SGCD: variants seen among roughly 807,000 people sequenced by gnomAD.
SGCD encodes the protein delta-sarcoglycan.
SGCD carries 18 observed loss-of-function variants against 36.6 expected under a neutral mutation model. That is an observed-to-expected ratio of 0.49 (90% CI 0.34 to 0.73). The LOEUF is 0.73. Among genes scored for constraint, SGCD ranks in the 30% least tolerant of loss-of-function variants. The pLI is 0.01. For missense variants in SGCD, 387 were observed against 346.7 expected (o/e 1.12, Z -0.92); for synonymous variants, 133 against 130.6 (o/e 1.02, Z -0.12).
chr5:155,859,204 C>A, the SGCD span, among the ~76,000 whole-genome samples: 1 of 151,816 alleles, frequency 6.6e-6, no homozygotes, highest in East Asian at 1.9e-4. Flanking sequence ...CAGGCATGTG[C>A]CACCATGCCT....
At chr5:156,070,107 T>C (rs1208026889) in intron 1 of SGCD, among the ~76,000 whole-genome samples, 2 of 149,504 alleles carry the variant, frequency 1.3e-5, no homozygotes, top group Non-Finnish European at 2.9e-5. Flanking sequence ...CTTTTCCTAA[T>C]TGGATACCCT....
At chr5:156,536,030 C>A (rs1431259303) in intron 4 of SGCD, among the ~76,000 whole-genome samples, 1 of 151,994 alleles carries the variant, frequency 6.6e-6, no homozygotes, top group East Asian at 1.9e-4. Context: ...ATCATTGGTT[C>A]TTTCTGTTAA....
At chr5:156,360,539 T>G (rs1212584290) in intron 3 of SGCD, among the ~76,000 whole-genome samples, 2 of 152,140 alleles carry the variant, frequency 1.3e-5, no homozygotes, top group African/African-American at 2.4e-5. Flanking sequence ...TAATTGGTTT[T>G]TTTACACTGT....
intron 3 of SGCD, among the ~76,000 whole-genome samples, chr5:156,132,793 C>G (rs183443257): frequency 7.9e-5 from 12 of 152,244 alleles, no homozygotes; most frequent in African/African-American, 2.6e-4. Context: ...GATGGTCCTT[C>G]TCTTACAACT....
chr5:155,937,852 C>T (rs755442614), intron 1 of SGCD, among the ~76,000 whole-genome samples: 19 of 152,158 alleles, frequency 1.2e-4, no homozygotes, highest in Non-Finnish European at 2.2e-4. Context: ...GGAGGATTCC[C>T]TGAGGAAGTA....
chr5:155,782,580 G>A, the SGCD span, among the ~76,000 whole-genome samples: 2 of 152,116 alleles, frequency 1.3e-5, no homozygotes, highest in Non-Finnish European at 2.9e-5. Flanking sequence ...ATACTGAAAA[G>A]GAGTTTTTTC....
intron 3 of SGCD, among the ~76,000 whole-genome samples, chr5:156,387,453 G>A (rs1771333361): frequency 1.3e-5 from 2 of 152,170 alleles, no homozygotes; most frequent in South Asian, 4.1e-4. Context: ...ATACAAATAT[G>A]TCATTTCCTT....
At chr5:156,736,131 A>G (rs1454223352) in intron 7 of SGCD, among the ~76,000 whole-genome samples, 5 of 151,986 alleles carry the variant, frequency 3.3e-5, no homozygotes, top group African/African-American at 4.8e-5. Flanking sequence ...TGTTTCCTTG[A>G]TTAGTCCCAG....
chr5:156,566,764 A>G (rs531798043), intron 4 of SGCD, among the ~76,000 whole-genome samples: 47 of 152,356 alleles, frequency 3.1e-4, no homozygotes, highest in Non-Finnish European at 1.2e-4. Flanking sequence ...TTTGATAAAA[A>G]TGTAAATGTG....
chr5:156,321,814 G>C (rs1055253686), upstream of SGCD, among the ~76,000 whole-genome samples: 3 of 152,176 alleles, frequency 2.0e-5, no homozygotes, highest in African/African-American at 7.2e-5. Context: ...GGGAGATAGA[G>C]TCTTGATTAC....
intron 1 of SGCD, among the ~76,000 whole-genome samples, chr5:155,951,391 C>A (rs1292678968): frequency 1.3e-5 from 2 of 151,972 alleles, no homozygotes; most frequent in Non-Finnish European, 2.9e-5. Flanking sequence ...GTGGTTAAAT[C>A]TCAAAAATAT....
chr5:156,726,068 T>C (rs1755758980), intron 7 of SGCD, among the ~76,000 whole-genome samples: 1 of 152,234 alleles, frequency 6.6e-6, no homozygotes, highest in Non-Finnish European at 1.5e-5. Context: ...TGTCACTGTT[T>C]GATCTTGTTT....
intron 3 of SGCD, among the ~76,000 whole-genome samples, chr5:156,225,145 G>A (rs1424347213): frequency 3.9e-5 from 6 of 152,052 alleles, no homozygotes. Context: ...GCACTACCTA[G>A]GTGTCAGAGG....
At chr5:156,382,105 A>G (rs900345529) in intron 3 of SGCD, among the ~76,000 whole-genome samples, 6 of 152,142 alleles carry the variant, frequency 3.9e-5, no homozygotes, top group African/African-American at 1.4e-4. Context: ...GTTAAATTCC[A>G]TAAGTAATAA....
chr5:155,818,956 A>G, the SGCD span, among the ~76,000 whole-genome samples: 1 of 152,252 alleles, frequency 6.6e-6, no homozygotes, highest in Non-Finnish European at 1.5e-5. Flanking sequence ...TTTTTCAAGA[A>G]CTTTCTGTAA....
At chr5:156,434,993 G>A (rs1753183533) in intron 3 of SGCD, among the ~76,000 whole-genome samples, 1 of 152,154 alleles carries the variant, frequency 6.6e-6, no homozygotes, top group South Asian at 2.1e-4. Flanking sequence ...TTACACTTAA[G>A]CGTGTCATGT....
chr5:156,135,346 A>G (rs1177035433), intron 3 of SGCD, among the ~76,000 whole-genome samples: 2 of 152,042 alleles, frequency 1.3e-5, no homozygotes, highest in African/African-American at 4.8e-5. Flanking sequence ...CTAATACATC[A>G]TTGTGCTCTT....
At chr5:156,752,950 C>A (rs1226099158) in intron 7 of SGCD, among the ~76,000 whole-genome samples, 3 of 152,056 alleles carry the variant, frequency 2.0e-5, no homozygotes, top group African/African-American at 7.2e-5. Flanking sequence ...ACAGCTTTCT[C>A]ATGGGTTACT....
chr5:156,456,426 G>A (rs920077651), intron 3 of SGCD, among the ~76,000 whole-genome samples: 3 of 152,162 alleles, frequency 2.0e-5, no homozygotes, highest in African/African-American at 7.2e-5. Context: ...CGTGCTATTG[G>A]ACACGAGTTA....
Sources: gnomAD v4.1 joint callset for allele counts (sites outside exome capture counted in the v4.1 genomes callset) on GRCh38, gnomAD v4.1.1 for gene constraint, MANE v1.5 for transcripts, NCBI Gene and HGNC (gene_info 2026-07-23, HGNC 2026-07-21) for gene names.